NLGN4X: variants seen among roughly 807,000 people sequenced by gnomAD.
NLGN4X encodes the protein neuroligin 4 X-linked, also known as neuroligin-4, X-linked.
A neutral mutation model predicts 40.3 loss-of-function variants in NLGN4X; 3 were observed. The observed-to-expected ratio is 0.07, with a 90% CI of 0.03 to 0.19. The LOEUF (loss-of-function observed/expected upper bound fraction) is 0.19. NLGN4X is among the 10% of genes least tolerant of loss of function. The pLI, the probability that NLGN4X is intolerant of heterozygous loss-of-function variation, is 1.00. For synonymous variants in NLGN4X, 270 were observed against 306.8 expected, an observed-to-expected ratio of 0.88 and a Z score of 1.25; for missense variants, 382 against 708.3, an observed-to-expected ratio of 0.54 and a Z score of 5.23.
intron 2 of NLGN4X, among the ~76,000 whole-genome samples, chrX:6,066,147 C>A (rs974542991): frequency 4.5e-5 from 5 of 112,054 alleles, no homozygotes; most frequent in Non-Finnish European, 9.4e-5. Flanking sequence ...CAGGATTGTT[C>A]TGCTCAGAGG....
At chrX:6,077,310 G>GGTGTGTGTGTGTGGT (rs1555967268) in intron 2 of NLGN4X, among the ~76,000 whole-genome samples, 9 of 102,518 alleles carry the variant, frequency 8.8e-5, no homozygotes, top group South Asian at 4.7e-4. Context: ...GTGTGTGTGT[G>GGTGTGTGTGTGTGGT]GTGTGTGTGT....
intron 3 of NLGN4X, among the ~76,000 whole-genome samples, chrX:5,992,793 G>T (rs1242654625): frequency 9.2e-6 from 1 of 108,279 alleles, no homozygotes; most frequent in Non-Finnish European, 1.9e-5. Context: ...GGAGAGGAAG[G>T]TGCCAGGCTC....
At chrX:6,181,778 A>G (rs749553393) in intron 1 of NLGN4X, among the ~76,000 whole-genome samples, 4 of 112,374 alleles carry the variant, frequency 3.6e-5, no homozygotes, top group Non-Finnish European at 7.5e-5. Context: ...TTCGGAGGGG[A>G]TATTCAAACC....
At chrX:6,100,593 T>C (rs2038885480) in intron 2 of NLGN4X, among the ~76,000 whole-genome samples, 1 of 111,701 alleles carries the variant, frequency 9.0e-6, no homozygotes, top group South Asian at 3.7e-4. Flanking sequence ...CCAGAAGTAG[T>C]TGGCAAAGGA....
At chrX:6,123,080 T>G (rs968194874) in intron 2 of NLGN4X, among the ~76,000 whole-genome samples, 11 of 109,933 alleles carry the variant, frequency 1.0e-4, no homozygotes, top group African/African-American at 3.7e-4. Context: ...ACAGAAAGGC[T>G]GAGAATTTCC....
At chrX:6,017,894 T>C (rs1338237532) in intron 3 of NLGN4X, among the ~76,000 whole-genome samples, 1 of 111,859 alleles carries the variant, frequency 8.9e-6, no homozygotes, top group South Asian at 3.7e-4. Flanking sequence ...GTTATAAGTA[T>C]GTTCAATGTC....
chrX:5,987,931 G>C (rs1394804796), intron 3 of NLGN4X, among the ~76,000 whole-genome samples: 1 of 111,568 alleles, frequency 9.0e-6, no homozygotes, highest in Non-Finnish European at 1.9e-5. Context: ...AAAAAAATTA[G>C]CTTGGTATGG....
chrX:6,151,915 C>T lies in NLGN4X; in HGVS notation c.-305-144G>A, dbSNP rs1199506210. 5.0e-5 allele frequency: 8 copies of T among 160,633 alleles called. No homozygotes were observed. In the East Asian group the frequency reaches 1.2e-3, roughly 25 times the overall value. The allele number at this position is 160,633 out of a possible 1,213,427, so 13.2% of individuals were successfully genotyped here. A position where few individuals can be genotyped will look rare whatever the true frequency, so the allele number is the denominator to read the frequency against. ...AGAAATGTGTATAGTGCCATCTCCA[C>T]ATAGTAGGCAACAGCAAGAACATCA... On this transcript the variant is annotated intron_variant, in intron 1 of 5. Transcript: ENST00000381095.
At chrX:6,137,853 C>A (rs2039854302) in intron 2 of NLGN4X, among the ~76,000 whole-genome samples, 1 of 111,821 alleles carries the variant, frequency 8.9e-6, no homozygotes, top group Non-Finnish European at 1.9e-5. Flanking sequence ...AATTATAGAC[C>A]ACTGCATTTA....
chrX:5,991,999 C>T (rs1328005820), intron 3 of NLGN4X, among the ~76,000 whole-genome samples: 2 of 112,080 alleles, frequency 1.8e-5, no homozygotes, highest in Non-Finnish European at 3.8e-5. Flanking sequence ...TAGGCCTTTT[C>T]CTGCCATGTT....
chrX:5,979,247 G>A (rs1300908456), intron 3 of NLGN4X, among the ~76,000 whole-genome samples: 3 of 111,255 alleles, frequency 2.7e-5, no homozygotes, highest in Non-Finnish European at 5.7e-5. Flanking sequence ...GCAGGTTGTA[G>A]CATGCACCAA....
chrX:5,935,477 A>G lies in NLGN4X; in HGVS notation c.626-26238T>C, dbSNP rs149792275. ...ATTCAGTGCAGTGAATGCAGAGAGGACAGGGAACTCTGATACTGTTCTTGG... is the reference window on the plus strand; with the variant it reads ...ATTCAGTGCAGTGAATGCAGAGAGGGCAGGGAACTCTGATACTGTTCTTGG... On this transcript the variant is annotated intron_variant, in intron 3 of 5. Transcript: ENST00000381095. Among the ~76,000 whole-genome samples, 199 of 112,538 alleles carry G rather than the reference A, an allele frequency of 1.8e-3. 1 individual carries two copies. Among genetic ancestry groups the G allele is most frequent in the African/African-American group, 4.5e-3 (141 of 31,080 alleles).
chrX:5,893,696 G>T, intron 5 of NLGN4X, 30 bp from the exon 6 acceptor site: 1 of 1,206,084 alleles, frequency 8.3e-7, no homozygotes. Flanking sequence ...AAAAAGAAAG[G>T]TCATACTCTT....
chrX:6,101,132 C>T lies in NLGN4X; in HGVS notation c.472+49863G>A, dbSNP rs149675007. On this transcript the variant is annotated intron_variant, in intron 2 of 5. Coordinates refer to ENST00000381095, the MANE Select transcript of NLGN4X (RefSeq NM_181332.3). ...GAATGTACTTTTCAGGATGCCCCCA[C>T]GTGAGGCCTCTCAGAAATGTAATCT... Among the ~76,000 whole-genome samples the T allele has an allele frequency of 7.2e-5, 8 of 111,807 alleles. No homozygotes were observed. In the South Asian group the frequency reaches 1.9e-3, roughly 27 times the overall value.
chrX:6,072,739 A>G (rs1265337692), intron 2 of NLGN4X, among the ~76,000 whole-genome samples: 1 of 111,177 alleles, frequency 9.0e-6, no homozygotes, highest in Non-Finnish European at 1.9e-5. Flanking sequence ...AGCCCTTGTG[A>G]ATGCTGCCTT....
intron 3 of NLGN4X, among the ~76,000 whole-genome samples, chrX:5,929,401 AG>A (rs1416578687): frequency 1.3e-4 from 15 of 111,787 alleles, no homozygotes; most frequent in Non-Finnish European, 2.3e-4. Context: ...CAGGAGGTGG[AG>A]GTTGCAGTGA....
chrX:6,087,223 T>C (rs1421936488), intron 2 of NLGN4X, among the ~76,000 whole-genome samples: 5 of 111,791 alleles, frequency 4.5e-5, no homozygotes, highest in Non-Finnish European at 3.8e-5. Context: ...AGTCACCTTC[T>C]AAGAGGCAAA....
At chrX:5,934,785 T>C (rs1313421372) in intron 3 of NLGN4X, among the ~76,000 whole-genome samples, 1 of 112,309 alleles carries the variant, frequency 8.9e-6, no homozygotes, top group Non-Finnish European at 1.9e-5. Context: ...GGGAACATAA[T>C]AGAGTGATAA....
At chrX:6,210,851 A>T (rs1924542610) in intron 1 of NLGN4X, among the ~76,000 whole-genome samples, 1 of 112,493 alleles carries the variant, frequency 8.9e-6, no homozygotes, top group Non-Finnish European at 1.9e-5. Flanking sequence ...CTACGAGAAG[A>T]TCATTTTGAC....
Sources: allele counts gnomAD v4.1 joint callset (sites outside exome capture counted in the v4.1 genomes callset), GRCh38; gene constraint gnomAD v4.1.1; transcripts MANE v1.5; gene names NCBI Gene and HGNC (gene_info 2026-07-23, HGNC 2026-07-21).